Variants in CTDSP2 observed in about 807,000 individuals in gnomAD.
CTDSP2 encodes carboxy-terminal domain RNA polymerase II polypeptide A small phosphatase 2.
Under a neutral mutation model 31.6 loss-of-function variants are expected in CTDSP2, and 9 were observed. That is an observed-to-expected ratio of 0.28 (90% CI 0.17 to 0.50). CTDSP2 has a LOEUF of 0.50. Ranked by LOEUF, CTDSP2 falls within the 20% of genes least tolerant of loss-of-function variation. The pLI, the probability that CTDSP2 is intolerant of heterozygous loss-of-function variation, is 0.98. For synonymous variants in CTDSP2, 134 were observed against 134.5 expected (o/e 1.00, Z 0.03); for missense variants, 267 against 348.5 (o/e 0.77, Z 1.86).
At chr12:57,832,791 A>T (rs1246861823) in intron 1 of CTDSP2, among the ~76,000 whole-genome samples, 2 of 5,276 alleles carry the variant, frequency 3.8e-4, no homozygotes, top group Non-Finnish European at 1.2e-3. Flanking sequence ...GACTCTGGCT[A>T]AAAAAAAAAA....
At chr12:57,829,666 C>A (rs1326443901) in intron 1 of CTDSP2, 70 bp from the exon 2 acceptor site, 4 of 1,404,852 alleles carry the variant, frequency 2.8e-6, no homozygotes, top group African/African-American at 1.4e-5. Flanking sequence ...TACTACCATG[C>A]CCATAGCTCT....
intron 1 of CTDSP2, among the ~76,000 whole-genome samples, chr12:57,836,817 T>C (rs1211901490): frequency 6.6e-6 from 1 of 152,206 alleles, no homozygotes; most frequent in Non-Finnish European, 1.5e-5. Context: ...CTCACACATC[T>C]GCCTGCGATT....
At chr12:57,824,405 A>G in intron 5 of CTDSP2, 86 bp from the exon 6 acceptor site, 1 of 1,027,834 alleles carries the variant, frequency 9.7e-7, no homozygotes, top group South Asian at 1.3e-5. Context: ...ACACAGCAGC[A>G]AGGAGCTCTC....
intron 5 of CTDSP2, among the ~76,000 whole-genome samples, chr12:57,825,401 T>C (rs572776719): frequency 5.3e-5 from 8 of 152,246 alleles, no homozygotes; most frequent in African/African-American, 1.7e-4. Context: ...CTTGGGCAGG[T>C]AGTGCTCCCT....
At chr12:57,823,755 C>G in intron 7 of CTDSP2, 28 bp from the exon 8 acceptor site, 1 of 1,613,152 alleles carries the variant, frequency 6.2e-7, no homozygotes, top group Non-Finnish European at 8.5e-7. Flanking sequence ...TGGTGTCAAT[C>G]TCCCGACTGC....
Position 57,829,509 on chromosome 12 carries a change from C to G in CTDSP2, c.152G>C (p.Gly51Ala), listed in dbSNP as rs368927568. The G allele has an allele frequency of 1.4e-5, 23 of 1,614,036 alleles. No individual in the cohort carries two copies. The African/African-American group carries it at 2.8e-4, about 20-fold the overall frequency. Residue 51 changes from glycine to alanine, a missense_variant, in exon 2 of 8, where the codon GGC becomes GCC. Coordinates refer to ENST00000398073, the MANE Select transcript of CTDSP2 (RefSeq NM_005730.4). The part of the protein sequence containing the change: ...LFCCFRAQHV[G>A]QSSSSTELAA... ...GAGCTCAGTGGAGGAACTTGACTGG[C>G]CAACATGCTGGGCGCGAAAACAGCA...
intron 1 of CTDSP2, chr12:57,842,418 G>A (rs1956287934): frequency 6.6e-6 from 1 of 152,156 alleles, no homozygotes; most frequent in South Asian, 2.1e-4. Context: ...TGAGAAGAGA[G>A]GACAAAGGAA....
intron 5 of CTDSP2, among the ~76,000 whole-genome samples, chr12:57,825,006 TTTTTC>T (rs956470069): frequency 4.0e-5 from 6 of 150,642 alleles, no homozygotes; most frequent in African/African-American, 1.2e-4. Flanking sequence ...AAAAAGGTCC[TTTTTC>T]TTTTCTTTAT....
Position 57,823,593 on chromosome 12 carries a change from C to G in CTDSP2, c.*9G>C, listed in dbSNP as rs1956162236. 5 of 1,613,426 alleles carry G rather than the reference C, an allele frequency of 3.1e-6. No homozygotes were observed. Among genetic ancestry groups the G allele is most frequent in the Non-Finnish European group, 2.5e-6 (3 of 1,179,912 alleles). On this transcript the variant is annotated 3_prime_UTR_variant, in exon 8 of 8. Coordinates refer to ENST00000398073, the MANE Select transcript of CTDSP2 (RefSeq NM_005730.4). ...TACTGGGATGGCCGTCGCTTGGAAG[C>G]AGGGCAGGCTAAGGGGCCCGCAGCT...
chr12:57,826,337 G>A lies in CTDSP2; in HGVS notation c.411+9C>T. On this transcript the variant is annotated intron_variant, in intron 5 of 7. Coordinates refer to ENST00000398073, the MANE Select transcript of CTDSP2 (RefSeq NM_005730.4). ...CTCTGGGCTGGGTGTGGTCTGGCTG[G>A]CAGCTCACCTGGTGAGTGGTCCCCT... is the stretch of plus-strand genomic sequence containing the variant. 1 of 1,613,752 alleles carries A rather than the reference G, an allele frequency of 6.2e-7. No individual in the cohort carries two copies. Among genetic ancestry groups the A allele is most frequent in the Non-Finnish European group, 8.5e-7 (1 of 1,179,810 alleles).
intron 4 of CTDSP2, among the ~76,000 whole-genome samples, chr12:57,826,659 G>A (rs954901071): frequency 2.0e-5 from 3 of 152,210 alleles, no homozygotes; most frequent in African/African-American, 7.2e-5. Context: ...GAGACAAGCA[G>A]GGGCAAGGGC....
At chr12:57,827,249 G>T in intron 3 of CTDSP2, 152 bp from the exon 4 acceptor site, 1 of 648,456 alleles carries the variant, frequency 1.5e-6, no homozygotes, top group Non-Finnish European at 2.7e-6. Flanking sequence ...AGGAGGTGGA[G>T]TTGTTTCCTT....
chr12:57,839,188 T>C (rs1349762376), intron 1 of CTDSP2, among the ~76,000 whole-genome samples: 2 of 152,174 alleles, frequency 1.3e-5, no homozygotes, highest in East Asian at 1.9e-4. Context: ...GCTTCACCTA[T>C]GACCAGCCAA....
chr12:57,829,692 CT>C, intron 1 of CTDSP2, 96 bp from the exon 2 acceptor site: 4 of 1,101,336 alleles, frequency 3.6e-6, no homozygotes, highest in Non-Finnish European at 5.5e-6. Context: ...TTTGTAAACT[CT>C]ACTAGGGCAC....
At chr12:57,835,715 C>T (rs919723078) in intron 1 of CTDSP2, among the ~76,000 whole-genome samples, 4 of 152,196 alleles carry the variant, frequency 2.6e-5, no homozygotes, top group African/African-American at 9.6e-5. Flanking sequence ...AGAAAGTGAG[C>T]TGGTGGCTGA....
At chr12:57,839,205 T>C (rs1956266147) in intron 1 of CTDSP2, among the ~76,000 whole-genome samples, 1 of 152,206 alleles carries the variant, frequency 6.6e-6, no homozygotes. Context: ...CCAAGCCGTA[T>C]AGGTGAGTCC....
chr12:57,835,460 G>A (rs544657547), intron 1 of CTDSP2, among the ~76,000 whole-genome samples: 157 of 152,200 alleles, frequency 1.0e-3, no homozygotes, highest in African/African-American at 3.4e-3. Context: ...CCTGGCCCCC[G>A]TAGGAAATTC....
At chr12:57,824,716 G>A (rs1956172106) in intron 5 of CTDSP2, 1 of 533,400 alleles carries the variant, frequency 1.9e-6, no homozygotes, top group South Asian at 1.4e-5. Flanking sequence ...TCTGTCCTTG[G>A]CTCCGACAGG....
chr12:57,824,357 G>A (rs1738796299), intron 5 of CTDSP2, 38 bp from the exon 6 acceptor site: 1 of 1,491,230 alleles, frequency 6.7e-7, no homozygotes, highest in Non-Finnish European at 9.4e-7. Context: ...AGGCATCCCT[G>A]TGATGAAGGT....
Sources: allele counts gnomAD v4.1 joint callset (sites outside exome capture counted in the v4.1 genomes callset), GRCh38; gene constraint gnomAD v4.1.1; transcripts MANE v1.5; gene names NCBI Gene and HGNC (gene_info 2026-07-23, HGNC 2026-07-21).